The following SLC5A8 variants were observed in gnomAD, a reference collection of about 807,000 sequenced individuals.
SLC5A8 encodes the protein solute carrier family 5 member 8.
SLC5A8 carries 55 observed loss-of-function variants against 71.9 expected under a neutral mutation model. The observed-to-expected ratio is 0.77, with a 90% CI of 0.62 to 0.96. The LOEUF is 0.96. SLC5A8 is among the 40% of genes least tolerant of loss of function. The pLI is 0.00. For missense variants in SLC5A8, 701 were observed against 745.3 expected, an observed-to-expected ratio of 0.94 and a Z score of 0.69; for synonymous variants, 307 against 276.1, an observed-to-expected ratio of 1.11 and a Z score of -1.11.
At chr12:101,184,008 G>GGAC (rs1379785275) in intron 8 of SLC5A8, 126 bp downstream of exon 8, 6 of 813,146 alleles carry the variant, frequency 7.4e-6, no homozygotes, top group Non-Finnish European at 1.2e-5. Context: ...GACACATACA[G>GGAC]CAGATTGCCT....
At position 101,209,994 on chromosome 12, in the gene SLC5A8, C is replaced by T. The variant is rs1027062391; in HGVS notation, c.-146G>A. ...GGAGGCGTCCTCCAGGTGTCGGCCT[C>T]CGAACGCACCCCGAGGCGGGGTGAG... On this transcript the variant is annotated 5_prime_UTR_variant, in exon 1 of 15. Transcript: ENST00000536262. The T allele has an allele frequency of 1.7e-5, 11 of 660,636 alleles. No individual in the cohort carries two copies. Among genetic ancestry groups the T allele is most frequent in the Non-Finnish European group, 2.4e-5 (10 of 423,472 alleles). 40.9% of individuals were successfully genotyped at this position (660,636 alleles called of 1,614,324 possible).
At chr12:101,172,109 A>T (rs1238986706) in intron 10 of SLC5A8, among the ~76,000 whole-genome samples, 1 of 152,160 alleles carries the variant, frequency 6.6e-6, no homozygotes, top group East Asian at 1.9e-4. Context: ...ACACGGCCCG[A>T]TGAAGCCAAA....
At chr12:101,157,423 G>A (rs758571142) in intron 14 of SLC5A8, 22 bp from the exon 15 acceptor site, 35 of 1,559,188 alleles carry the variant, frequency 2.2e-5, no homozygotes, top group Non-Finnish European at 3.0e-5. Context: ...TGTTAACATG[G>A]TGATTAGGGG....
chr12:101,193,193 G>T (rs1179693716), intron 5 of SLC5A8, among the ~76,000 whole-genome samples: 1 of 151,906 alleles, frequency 6.6e-6, no homozygotes, highest in East Asian at 1.9e-4. Context: ...GGCTGGTCTC[G>T]AACTCCTGGC....
chr12:101,198,706 G>A (rs1187429286), intron 3 of SLC5A8, among the ~76,000 whole-genome samples: 1 of 151,824 alleles, frequency 6.6e-6, no homozygotes, highest in African/African-American at 2.4e-5. Context: ...TACCAAGCAT[G>A]TAAGAAATAA....
rs1379112870 is a variant in SLC5A8, at chr12:101,167,949, C to T, written c.1320+147G>A. 4 of 773,940 alleles carry T rather than the reference C, an allele frequency of 5.2e-6. No homozygotes were observed. The African/African-American group carries it at 5.3e-5, about 10-fold the overall frequency. 47.9% of individuals were successfully genotyped at this position (773,940 alleles called of 1,614,324 possible). Reference sequence around the variant, plus strand: ...TCCCCATACATAGTACTTCCTTGTACACTCCACCAAAGTCAACAGAAATAA... The same window carrying T: ...TCCCCATACATAGTACTTCCTTGTATACTCCACCAAAGTCAACAGAAATAA... On this transcript the variant is annotated intron_variant, in intron 11 of 14. Transcript: ENST00000536262.
chr12:101,165,595 G>T (rs1287795358), intron 12 of SLC5A8, among the ~76,000 whole-genome samples: 1 of 152,110 alleles, frequency 6.6e-6, no homozygotes, highest in East Asian at 1.9e-4. Flanking sequence ...TACCTGCCTG[G>T]AACGCCCCTG....
At chr12:101,198,420 A>G (rs139260651) in intron 3 of SLC5A8, among the ~76,000 whole-genome samples, 1 of 152,046 alleles carries the variant, frequency 6.6e-6, no homozygotes, top group East Asian at 1.9e-4. Flanking sequence ...GAAGATAGAA[A>G]ACTTATCGAT....
At position 101,193,608 on chromosome 12, in the gene SLC5A8, A is replaced by C; in HGVS notation, c.692+17T>G. The stretch of plus-strand genomic sequence containing the variant: ...ATACAAAAGATGTGTTCAGTTACCC[A>C]AGTACTAGACACTTACTTCCAGAAA... On this transcript the variant is annotated intron_variant, in intron 5 of 14. Transcript: ENST00000536262. 6.2e-7 allele frequency: 1 copy of C among 1,605,818 alleles called. No homozygotes were observed. The highest frequency in any genetic ancestry group is 8.5e-7 in the Non-Finnish European group (1 of 1,176,690).
In SLC5A8 at chr12:101,166,550, C is replaced by T; in HGVS notation, c.1470G>A (p.Met490Ile). 2 of 1,613,586 alleles carry T rather than the reference C, an allele frequency of 1.2e-6. No individual in the cohort carries two copies. The highest frequency in any genetic ancestry group is 1.7e-6 in the Non-Finnish European group (2 of 1,179,806). Reference protein sequence around the residue: ...CNSTYNETNLMTTTEMPFTTS... With the variant: ...CNSTYNETNLITTTEMPFTTS... ...TAGTAAATGGCATTTCTGTGGTTGT[C>T]ATCAAATTTGTCTCATTGTAGGTGC... Residue 490 changes from methionine (M) to isoleucine (I), a missense_variant, in exon 12 of 15, where the codon ATG (methionine) becomes ATA (isoleucine). By Grantham distance (10) the Met-to-Ile change is conservative (BLOSUM62 1). Transcript: ENST00000536262.
At chr12:101,183,408 A>T (rs1868459773) in intron 8 of SLC5A8, among the ~76,000 whole-genome samples, 1 of 152,180 alleles carries the variant, frequency 6.6e-6, no homozygotes, top group African/African-American at 2.4e-5. Context: ...TCCAAAAATG[A>T]TATTCAGGCA....
Position 101,157,264 on chromosome 12 carries a change from A to C in SLC5A8, c.*15T>G. On this transcript the variant is annotated 3_prime_UTR_variant, in exon 15 of 15. Transcript: ENST00000536262. ...ATTGAAACATCATTTAAGGATATCTAGTATCAGAGCAGCTTCACAAACGAG... is the reference window on the plus strand; with the variant it reads ...ATTGAAACATCATTTAAGGATATCTCGTATCAGAGCAGCTTCACAAACGAG... The C allele has an allele frequency of 6.2e-7, 1 of 1,607,452 alleles. No homozygotes were observed. The highest frequency in any genetic ancestry group is 8.5e-7 in the Non-Finnish European group (1 of 1,177,340).
chr12:101,184,418 G>A (rs1868520692), intron 7 of SLC5A8, among the ~76,000 whole-genome samples, 196 bp from the exon 8 acceptor site: 1 of 152,180 alleles, frequency 6.6e-6, no homozygotes, highest in African/African-American at 2.4e-5. Flanking sequence ...GTTAAGTAAA[G>A]AGGCTTTGGA....
In SLC5A8 at chr12:101,167,416, G is replaced by A. The variant is rs967068928; in HGVS notation, c.1320+680C>T. Among the ~76,000 whole-genome samples, 9 of 152,114 alleles carry A rather than the reference G, an allele frequency of 5.9e-5. 1 individual carries two copies. Among genetic ancestry groups the A allele is most frequent in the Admixed American group, 2.6e-4 (4 of 15,264 alleles). On this transcript the variant is annotated intron_variant, in intron 11 of 14. Transcript: ENST00000536262. ...TCTATGGCTATTCTATATCTGAAGC[G>A]ACTGCACATACATTATCAGTTTTTC...
At chr12:101,190,949 A>G (rs1868881171) in intron 5 of SLC5A8, among the ~76,000 whole-genome samples, 1 of 152,200 alleles carries the variant, frequency 6.6e-6, no homozygotes, top group African/African-American at 2.4e-5. Context: ...CATGAAACAT[A>G]GAGAAAGAGA....
intron 12 of SLC5A8, among the ~76,000 whole-genome samples, chr12:101,166,201 T>A (rs905696562): frequency 1.3e-5 from 2 of 152,230 alleles, no homozygotes; most frequent in African/African-American, 2.4e-5. Flanking sequence ...ACAAAGATAA[T>A]TCTTCATGCA....
chr12:101,209,455 T>G, intron 1 of SLC5A8, 43 bp downstream of exon 1: 1 of 1,475,902 alleles, frequency 6.8e-7, no homozygotes, highest in Non-Finnish European at 9.1e-7. Context: ...CAGAGTCCCC[T>G]TCCCCCGCGC....
intron 5 of SLC5A8, among the ~76,000 whole-genome samples, chr12:101,192,963 C>T (rs1406923211): frequency 7.0e-6 from 1 of 143,428 alleles, no homozygotes; most frequent in African/African-American, 2.6e-5. Flanking sequence ...TAAGAGGCTA[C>T]CTTTTCTCTT....
At chr12:101,190,995 G>A (rs1593377886) in intron 5 of SLC5A8, among the ~76,000 whole-genome samples, 2 of 152,024 alleles carry the variant, frequency 1.3e-5, no homozygotes, top group African/African-American at 2.4e-5. Context: ...CACAGCAGAC[G>A]AGATGGCACT....
Sources: gnomAD v4.1 joint callset for allele counts (sites outside exome capture counted in the v4.1 genomes callset) on GRCh38, gnomAD v4.1.1 for gene constraint, MANE v1.5 for transcripts, NCBI Gene and HGNC (gene_info 2026-07-23, HGNC 2026-07-21) for gene names.